Variants in GABRB2 observed in about 807,000 individuals in gnomAD.
The protein encoded by GABRB2 is gamma-aminobutyric acid type A receptor subunit beta2.
In GABRB2, 16 loss-of-function variants were observed where a neutral mutation model predicts 54.7. The ratio of observed to expected loss-of-function variants is 0.29; its 90% CI spans 0.20 to 0.44. The LOEUF (loss-of-function observed/expected upper bound fraction) is 0.44. GABRB2 is among the 20% of genes least tolerant of loss of function. GABRB2 has a pLI of 1.00. For missense variants in GABRB2, 355 were observed against 644.0 expected (o/e 0.55, Z 4.86); for synonymous variants, 244 against 233.8 (o/e 1.04, Z -0.40).
chr5:161,423,612 T>C (rs1756914670), intron 4 of GABRB2, among the ~76,000 whole-genome samples: 1 of 152,148 alleles, frequency 6.6e-6, no homozygotes, highest in Non-Finnish European at 1.5e-5. Context: ...AATGTTTGTT[T>C]TATGACCAGC....
At chr5:161,334,615 C>G in intron 7 of GABRB2, 137 bp downstream of exon 7, 1 of 775,724 alleles carries the variant, frequency 1.3e-6, no homozygotes, top group Non-Finnish European at 2.1e-6. Flanking sequence ...CCCAAAGTCT[C>G]ATAGCGAAAC....
intron 5 of GABRB2, among the ~76,000 whole-genome samples, chr5:161,350,224 G>C (rs1448644190): frequency 1.3e-5 from 2 of 152,124 alleles, no homozygotes; most frequent in East Asian, 1.9e-4. Flanking sequence ...GAATATAAAA[G>C]GCATCCACAT....
chr5:161,316,841 AC>A (rs1252463139), intron 9 of GABRB2, among the ~76,000 whole-genome samples: 5 of 152,260 alleles, frequency 3.3e-5, no homozygotes, highest in African/African-American at 1.2e-4. Flanking sequence ...TGAACTCCTA[AC>A]TTCAGGTGAT....
At chr5:161,408,528 T>G (rs1289051238) in intron 5 of GABRB2, among the ~76,000 whole-genome samples, 1 of 152,044 alleles carries the variant, frequency 6.6e-6, no homozygotes, top group Non-Finnish European at 1.5e-5. Context: ...AACAATTAGC[T>G]CAATCCTAAT....
At chr5:161,463,551 TTATTTATATATATATATATATATATA>T (rs1202333112) in intron 3 of GABRB2, among the ~76,000 whole-genome samples, 9 of 30,256 alleles carry the variant, frequency 3.0e-4, no homozygotes, top group South Asian at 1.8e-3. Flanking sequence ...CCAAATATTT[TTATTTATATATATATATATATATATA>T]TATATATATA....
At chr5:161,467,736 T>C (rs947216962) in intron 3 of GABRB2, among the ~76,000 whole-genome samples, 4 of 152,096 alleles carry the variant, frequency 2.6e-5, no homozygotes. Flanking sequence ...AAAATACATC[T>C]GATGTGTAAA....
intron 5 of GABRB2, among the ~76,000 whole-genome samples, chr5:161,361,915 C>A (rs1754821799): frequency 6.6e-6 from 1 of 152,078 alleles, no homozygotes; most frequent in Non-Finnish European, 1.5e-5. Context: ...TTAGGTCTTA[C>A]ATTTAAGTAT....
chr5:161,316,122 T>A (rs944393947), intron 9 of GABRB2, among the ~76,000 whole-genome samples: 1 of 152,114 alleles, frequency 6.6e-6, no homozygotes, highest in Non-Finnish European at 1.5e-5. Context: ...ACAATGAGTA[T>A]CTTAGAGCTA....
At chr5:161,522,490 CT>C (rs1760145143) in intron 3 of GABRB2, among the ~76,000 whole-genome samples, 1 of 151,780 alleles carries the variant, frequency 6.6e-6, no homozygotes, top group Admixed American at 6.6e-5. Flanking sequence ...AACACAACCA[CT>C]GCTTGTCAGC....
chr5:161,305,842 G>A (rs2113353853), intron 9 of GABRB2, among the ~76,000 whole-genome samples: 1 of 152,318 alleles, frequency 6.6e-6, no homozygotes, highest in Non-Finnish European at 1.5e-5. Context: ...AGAGCCAAAT[G>A]TTAGGAGAAA....
intron 3 of GABRB2, among the ~76,000 whole-genome samples, chr5:161,465,488 TA>T (rs1014549071): frequency 6.6e-6 from 1 of 152,136 alleles, no homozygotes; most frequent in African/African-American, 2.4e-5. Flanking sequence ...TGTTGTCATT[TA>T]AAAATCTTCT....
chr5:161,345,039 T>C (rs1754280228), intron 5 of GABRB2, among the ~76,000 whole-genome samples: 1 of 151,636 alleles, frequency 6.6e-6, no homozygotes, highest in Non-Finnish European at 1.5e-5. Flanking sequence ...CACAGGGCCC[T>C]GTCTGGGGCT....
chr5:161,341,319 T>C (rs1475396750), intron 5 of GABRB2, among the ~76,000 whole-genome samples: 1 of 151,982 alleles, frequency 6.6e-6, no homozygotes, highest in Non-Finnish European at 1.5e-5. Flanking sequence ...TAGATTTCTT[T>C]AAAAAGATAT....
chr5:161,462,164 T>C (rs911880440), intron 3 of GABRB2, among the ~76,000 whole-genome samples: 1 of 152,184 alleles, frequency 6.6e-6, no homozygotes, highest in Non-Finnish European at 1.5e-5. Flanking sequence ...ATTAATATCC[T>C]AAATGTGTAT....
chr5:161,492,511 C>G (rs1471025335), intron 3 of GABRB2, among the ~76,000 whole-genome samples: 1 of 151,540 alleles, frequency 6.6e-6, no homozygotes, highest in Non-Finnish European at 1.5e-5. Flanking sequence ...CTACCAGGGT[C>G]TAATGACTTT....
At chr5:161,475,340 C>A (rs369492966) in intron 3 of GABRB2, among the ~76,000 whole-genome samples, 18 of 151,848 alleles carry the variant, frequency 1.2e-4, no homozygotes, top group African/African-American at 4.1e-4. Flanking sequence ...ATTATTATTC[C>A]TCACCTTACA....
chr5:161,545,602 G>C (rs1760959186), intron 2 of GABRB2, among the ~76,000 whole-genome samples: 1 of 152,096 alleles, frequency 6.6e-6, no homozygotes, highest in South Asian at 2.1e-4. Flanking sequence ...AATCCTTCTA[G>C]TCTAAGGGAT....
At chr5:161,478,771 C>A (rs920514661) in intron 3 of GABRB2, among the ~76,000 whole-genome samples, 2 of 151,950 alleles carry the variant, frequency 1.3e-5, no homozygotes, top group South Asian at 4.1e-4. Context: ...GGGTCCATCC[C>A]ATCTTAACTG....
chr5:161,426,638 A>G (rs1757006050), intron 4 of GABRB2, among the ~76,000 whole-genome samples: 1 of 152,124 alleles, frequency 6.6e-6, no homozygotes, highest in Non-Finnish European at 1.5e-5. Flanking sequence ...TGACTAAATA[A>G]AGAATTAAAG....
Sources: allele counts gnomAD v4.1 joint callset (sites outside exome capture counted in the v4.1 genomes callset), GRCh38; gene constraint gnomAD v4.1.1; transcripts MANE v1.5; gene names NCBI Gene and HGNC (gene_info 2026-07-23, HGNC 2026-07-21).